Variants in TRDN observed in about 807,000 individuals in gnomAD.
TRDN encodes triadin.
Under a neutral mutation model 149.7 loss-of-function variants are expected in TRDN, and 161 were observed. The ratio of observed to expected loss-of-function variants is 1.08; its 90% CI spans 0.95 to 1.23. The LOEUF is 1.23. TRDN is among the 50% of genes most tolerant of loss of function. TRDN has a pLI of 0.00. For synonymous variants in TRDN, 294 were observed against 250.5 expected, an observed-to-expected ratio of 1.17 and a Z score of -1.64; for missense variants, 896 against 823.5, an observed-to-expected ratio of 1.09 and a Z score of -1.08.
chr6:123,409,858 G>C (rs1773361478), intron 12 of TRDN, among the ~76,000 whole-genome samples: 1 of 152,126 alleles, frequency 6.6e-6, no homozygotes. Flanking sequence ...TTTTATGAAA[G>C]TAACAACTGG....
At chr6:123,382,675 T>C (rs1316290391) in intron 14 of TRDN, among the ~76,000 whole-genome samples, 2 of 152,016 alleles carry the variant, frequency 1.3e-5, no homozygotes, top group Admixed American at 1.3e-4. Context: ...TAGATTACTG[T>C]TGACTCATGG....
At chr6:123,388,378 A>G in intron 14 of TRDN, 144 bp downstream of exon 14, 1 of 887,884 alleles carries the variant, frequency 1.1e-6, no homozygotes, top group Non-Finnish European at 1.8e-6. Context: ...GTGAAGTAGA[A>G]AAAGCACATT....
At chr6:123,562,589 T>A (rs900465114) in intron 2 of TRDN, among the ~76,000 whole-genome samples, 5 of 152,178 alleles carry the variant, frequency 3.3e-5, no homozygotes, top group Admixed American at 2.6e-4. Context: ...ATAATGTCTG[T>A]TTATAAGCTA....
At chr6:123,306,215 A>T (rs1429989684) in intron 24 of TRDN, among the ~76,000 whole-genome samples, 1 of 152,142 alleles carries the variant, frequency 6.6e-6, no homozygotes, top group Non-Finnish European at 1.5e-5. Flanking sequence ...GATCCAGCCA[A>T]ATCTGCCCTG....
intron 24 of TRDN, among the ~76,000 whole-genome samples, chr6:123,299,562 C>G (rs1221754678): frequency 6.6e-6 from 1 of 151,950 alleles, no homozygotes; most frequent in Non-Finnish European, 1.5e-5. Flanking sequence ...AAAGGGAAGA[C>G]GTCATACAGG....
At chr6:123,349,984 G>A in intron 21 of TRDN, 5 of 985,306 alleles carry the variant, frequency 5.1e-6, no homozygotes, top group Non-Finnish European at 6.0e-6. Context: ...AACTCTTCAA[G>A]TGGACACAAA....
intron 38 of TRDN, among the ~76,000 whole-genome samples, chr6:123,227,404 T>C (rs1775416415): frequency 6.6e-6 from 1 of 151,782 alleles, no homozygotes; most frequent in Non-Finnish European, 1.5e-5. Context: ...TACAATGAAG[T>C]CCCTAGGGGA....
intron 38 of TRDN, among the ~76,000 whole-genome samples, chr6:123,235,054 A>G (rs964184899): frequency 1.1e-4 from 16 of 152,128 alleles, no homozygotes; most frequent in African/African-American, 3.6e-4. Flanking sequence ...ATAGGTAGAC[A>G]GCAAAAACCA....
At chr6:123,407,868 A>G (rs958535475) in intron 12 of TRDN, among the ~76,000 whole-genome samples, 6 of 152,162 alleles carry the variant, frequency 3.9e-5, no homozygotes, top group Admixed American at 1.3e-4. Context: ...AACATGAAAC[A>G]CTTTTGTAAT....
chr6:123,381,679 TA>T (rs1394021425), intron 15 of TRDN, among the ~76,000 whole-genome samples: 1 of 152,016 alleles, frequency 6.6e-6, no homozygotes, highest in Non-Finnish European at 1.5e-5. Flanking sequence ...CTTAAACACA[TA>T]AAAACACATG....
chr6:123,592,683 T>C (rs918414876), intron 1 of TRDN, among the ~76,000 whole-genome samples: 12 of 152,220 alleles, frequency 7.9e-5, no homozygotes, highest in African/African-American at 7.2e-5. Context: ...ACTAAGCTTA[T>C]TCAAGCATTA....
intron 1 of TRDN, among the ~76,000 whole-genome samples, chr6:123,636,226 T>C (rs944243095): frequency 6.6e-6 from 1 of 151,890 alleles, no homozygotes; most frequent in Non-Finnish European, 1.5e-5. Flanking sequence ...TGTATATAAA[T>C]CATATATATG....
At chr6:123,610,838 A>G (rs940886351) in intron 1 of TRDN, among the ~76,000 whole-genome samples, 1 of 152,198 alleles carries the variant, frequency 6.6e-6, no homozygotes, top group African/African-American at 2.4e-5. Context: ...TTTGAGCACC[A>G]AAGTGGGACT....
intron 40 of TRDN, 84 bp downstream of exon 40, chr6:123,221,403 C>A: frequency 9.8e-7 from 1 of 1,024,122 alleles, no homozygotes; most frequent in South Asian, 1.8e-5. Context: ...GAATACTGGT[C>A]TTAAGAGAGT....
chr6:123,488,234 T>C (rs1053441464), intron 9 of TRDN, among the ~76,000 whole-genome samples: 1 of 152,174 alleles, frequency 6.6e-6, no homozygotes, highest in East Asian at 1.9e-4. Flanking sequence ...TTGCACTATA[T>C]AGATGTCACA....
intron 9 of TRDN, among the ~76,000 whole-genome samples, chr6:123,490,589 G>A (rs947982417): frequency 3.3e-5 from 5 of 152,070 alleles, no homozygotes; most frequent in Non-Finnish European, 7.4e-5. Context: ...TTAACAGGAA[G>A]GAATTTATCC....
chr6:123,472,072 T>G (rs941049795), intron 9 of TRDN, among the ~76,000 whole-genome samples: 1 of 152,120 alleles, frequency 6.6e-6, no homozygotes, highest in Admixed American at 6.5e-5. Flanking sequence ...ACAAACCTAA[T>G]ATGAGCCAAG....
chr6:123,493,779 G>C (rs773224206), intron 9 of TRDN, among the ~76,000 whole-genome samples: 7 of 152,172 alleles, frequency 4.6e-5, no homozygotes, highest in Non-Finnish European at 7.4e-5. Flanking sequence ...ATAATTGCCA[G>C]TCAGAGTCAA....
rs188231149 is a variant in TRDN at position 123,430,246 on chromosome 6, G to C, written c.1051+7817C>G. Reference sequence around the variant, plus strand: ...GATTACACTACTGCATTAAAGCCAGGTAGACAGAACAAGACCCTGTCTCAA... The same window carrying C: ...GATTACACTACTGCATTAAAGCCAGCTAGACAGAACAAGACCCTGTCTCAA... On this transcript the variant is annotated intron_variant, in intron 12 of 40. Transcript: ENST00000334268. 1.6e-3 allele frequency among the ~76,000 whole-genome samples: 248 copies of C among 151,926 alleles called. 1 individual carries two copies. The highest frequency in any genetic ancestry group is 5.6e-3 in the African/African-American group (231 of 41,418).
Sources: allele counts gnomAD v4.1 joint callset (sites outside exome capture counted in the v4.1 genomes callset), GRCh38; gene constraint gnomAD v4.1.1; transcripts MANE v1.5; gene names NCBI Gene and HGNC (gene_info 2026-07-23, HGNC 2026-07-21).